CEBPZOS: variants seen among roughly 807,000 people sequenced by gnomAD.
CEBPZOS encodes the protein CEBPZ opposite strand.
CEBPZOS carries 10 observed loss-of-function variants against 4.8 expected under a neutral mutation model. The observed-to-expected ratio is 2.07, with a 90% CI of 1.28 to 3.52. The LOEUF is 3.52. Ranked by LOEUF, CEBPZOS falls within the 30% of genes most tolerant of loss-of-function variation. CEBPZOS has a pLI of 0.00. For synonymous variants in CEBPZOS, 25 were observed against 14.2 expected (o/e 1.77, Z -1.72); for missense variants, 98 against 43.6 (o/e 2.25, Z -3.51).
At chr2:37,215,908 TTTTG>T (rs1677855377), downstream of CEBPZOS, among the ~76,000 whole-genome samples, 1 of 151,662 alleles carries the variant, frequency 6.6e-6, no homozygotes, top group African/African-American at 2.4e-5. Context: ...CATCATACTA[TTTTG>T]TTTATTTTGG....
At chr2:37,200,276 T>G (rs913860973) in intron 2 of CEBPZOS, among the ~76,000 whole-genome samples, 1 of 152,204 alleles carries the variant, frequency 6.6e-6, no homozygotes, top group African/African-American at 2.4e-5. Context: ...CGAAAGTGCT[T>G]TAACATTTTT....
intron 2 of CEBPZOS, among the ~76,000 whole-genome samples, chr2:37,200,039 T>C (rs1183846359): frequency 1.3e-5 from 2 of 152,136 alleles, no homozygotes; most frequent in African/African-American, 4.8e-5. Flanking sequence ...AGGAAAAAAT[T>C]TCATACCTCC....
intron 4 of CEBPZOS, chr2:37,211,171 G>T: frequency 1.2e-6 from 1 of 846,786 alleles, no homozygotes; most frequent in Non-Finnish European, 1.9e-6. Flanking sequence ...TCTTTATTCT[G>T]ATGGTAAGGC....
At chr2:37,196,676 GT>G (rs963347249) in intron 1 of CEBPZOS, 156 bp downstream of exon 1, 63 of 147,792 alleles carry the variant, frequency 4.3e-4, no homozygotes, top group African/African-American at 1.5e-3. Context: ...GGAGGCGAGT[GT>G]TTCCGGGTCG....
downstream of CEBPZOS, among the ~76,000 whole-genome samples, chr2:37,205,139 T>C (rs75355833): frequency 3.2e-3 from 480 of 152,352 alleles, 17 homozygotes; most frequent in East Asian, 0.084. Context: ...GACTAAGAAA[T>C]TGACAGCAGT....
At chr2:37,199,446 T>C (rs1018274142) in intron 1 of CEBPZOS, among the ~76,000 whole-genome samples, 1 of 152,232 alleles carries the variant, frequency 6.6e-6, no homozygotes, top group Admixed American at 6.5e-5. Context: ...ATTGTTCTTT[T>C]TACAACGCTT....
chr2:37,214,480 C>A (rs757129264), downstream of CEBPZOS, among the ~76,000 whole-genome samples: 1 of 151,928 alleles, frequency 6.6e-6, no homozygotes, highest in African/African-American at 2.4e-5. Context: ...ATATTAAAAT[C>A]TATATTAAAG....
chr2:37,203,075 A>G lies in CEBPZOS; in HGVS notation c.*1215A>G, dbSNP rs1572487984. 1.9e-6 allele frequency: 2 copies of G among 1,077,332 alleles called. No homozygotes were observed. The highest frequency in any genetic ancestry group is 2.7e-6 in the Non-Finnish European group (2 of 753,510). 66.7% of individuals were successfully genotyped at this position (1,077,332 alleles called of 1,614,324 possible). On this transcript the variant is annotated 3_prime_UTR_variant, in exon 5 of 5. Coordinates refer to ENST00000402297, the MANE Select transcript of CEBPZOS (RefSeq NM_001322374.2). Reference sequence around the variant, plus strand: ...AATGATTTTAGAAAAATGCAATGCAACATGATTTTATTTTAAAAATTATAC... The same window carrying G: ...AATGATTTTAGAAAAATGCAATGCAGCATGATTTTATTTTAAAAATTATAC...
At chr2:37,212,277 G>A (rs1677745381) in intron 4 of CEBPZOS, 12 of 1,475,620 alleles carry the variant, frequency 8.1e-6, no homozygotes, top group East Asian at 2.3e-5. Flanking sequence ...ACTGTTCTGA[G>A]GGACAACAAT....
At position 37,202,930 on chromosome 2, in the gene CEBPZOS, A is replaced by G. The variant is rs370459206; in HGVS notation, c.*1070A>G. 6.0e-5 allele frequency: 95 copies of G among 1,596,016 alleles called. 2 individuals carry two copies. Among genetic ancestry groups the G allele is most frequent in the South Asian group, 3.4e-5 (3 of 87,924 alleles). On this transcript the variant is annotated 3_prime_UTR_variant, in exon 5 of 5. Transcript: ENST00000402297. The stretch of plus-strand genomic sequence containing the variant: ...ATAATGTAGAATAGCTAGCTTGTTA[A>G]AACAGTACATTAGCCTTACCTCTTC...
downstream of CEBPZOS, among the ~76,000 whole-genome samples, chr2:37,215,694 T>C (rs545955588): frequency 2.6e-5 from 4 of 152,296 alleles, no homozygotes; most frequent in South Asian, 2.1e-4. Context: ...CTAGCAAATA[T>C]AGAAGTAGGT....
At chr2:37,201,596 A>T in intron 3 of CEBPZOS, 46 bp from the exon 4 acceptor site, 1 of 670,574 alleles carries the variant, frequency 1.5e-6, no homozygotes, top group Admixed American at 2.8e-5. Context: ...TAATTTTAAC[A>T]ATGCTTCCAC....
chr2:37,213,647 C>A, exon 5 of CEBPZOS: 2 of 423,296 alleles, frequency 4.7e-6, no homozygotes, highest in South Asian at 5.2e-5. Context: ...CTCCTGACCT[C>A]AAACAATCTT....
In CEBPZOS at chr2:37,202,094, G is replaced by T. The variant is rs940736434; in HGVS notation, c.*234G>T. ...TTGTCAAAGATAAATGTTTCAAAAA[G>T]AAATGACTAAGGAAGGAAAAGAAAC... is the stretch of plus-strand genomic sequence containing the variant. On this transcript the variant is annotated 3_prime_UTR_variant, in exon 5 of 5. Transcript: ENST00000402297. 2.1e-5 allele frequency: 8 copies of T among 379,810 alleles called. No individual in the cohort carries two copies. Among genetic ancestry groups the T allele is most frequent in the African/African-American group, 1.0e-4 (5 of 47,812 alleles). The allele number at this position is 379,810 out of a possible 1,614,324, so 23.5% of individuals were successfully genotyped here.
At chr2:37,205,774 A>T (rs1677517445), downstream of CEBPZOS, among the ~76,000 whole-genome samples, 1 of 152,216 alleles carries the variant, frequency 6.6e-6, no homozygotes, top group Non-Finnish European at 1.5e-5. Flanking sequence ...AAATCTTAAG[A>T]CTGTCACCTG....
downstream of CEBPZOS, among the ~76,000 whole-genome samples, chr2:37,214,423 C>A (rs1677820660): frequency 6.6e-6 from 1 of 152,020 alleles, no homozygotes; most frequent in South Asian, 2.1e-4. Flanking sequence ...GGGCCATGGT[C>A]TGGATAAATT....
intron 4 of CEBPZOS, chr2:37,212,586 T>C (rs1677756827): frequency 7.5e-6 from 4 of 535,206 alleles, no homozygotes; most frequent in Non-Finnish European, 9.8e-6. Flanking sequence ...CTTAGTTAAA[T>C]CCCAAAACTA....
intron 4 of CEBPZOS, chr2:37,211,955 C>T: frequency 6.2e-7 from 1 of 1,613,714 alleles, no homozygotes; most frequent in Non-Finnish European, 8.5e-7. Context: ...CATCGTCATC[C>T]AGGTTACCAA....
At chr2:37,200,674 A>T (rs534605172) in intron 2 of CEBPZOS, among the ~76,000 whole-genome samples, 1 of 139,724 alleles carries the variant, frequency 7.2e-6, no homozygotes, top group African/African-American at 2.7e-5. Context: ...AAAAAAAAAA[A>T]GTGCTGGGCA....
Sources: gnomAD v4.1 joint callset for allele counts (sites outside exome capture counted in the v4.1 genomes callset) on GRCh38, gnomAD v4.1.1 for gene constraint, MANE v1.5 for transcripts, NCBI Gene and HGNC (gene_info 2026-07-23, HGNC 2026-07-21) for gene names.